The following PER2 variants were observed in gnomAD, a reference collection of about 807,000 sequenced individuals.
PER2 encodes period circadian regulator 2.
Under a neutral mutation model 121.0 loss-of-function variants are expected in PER2, and 66 were observed. The ratio of observed to expected loss-of-function variants is 0.55; its 90% confidence interval spans 0.45 to 0.67. The LOEUF is 0.67. Among genes scored for constraint, PER2 ranks in the 30% least tolerant of loss-of-function variants. PER2 has a pLI of 0.00. For missense variants in PER2, 1,521 were observed against 1,635.0 expected, an observed-to-expected ratio of 0.93 and a Z score of 1.20; for synonymous variants, 684 against 659.9, an observed-to-expected ratio of 1.04 and a Z score of -0.56.
Position 238,268,658 on chromosome 2 carries a change from C to T in PER2, c.824+265G>A, listed in dbSNP as rs1426485373. ...GACGCAGTGCTTTCAGAAACTCTGT[C>T]GACCCTGGGGTACAGGCCTTTGCAA... On this transcript the variant is annotated intron_variant, in intron 7 of 22. Transcript: ENST00000254657. The surrounding 1 kb of genome is among the most constrained non-coding windows in gnomAD (Gnocchi z 4.0). Among the ~76,000 whole-genome samples the T allele has an allele frequency of 6.6e-6, 1 of 152,212 alleles. No individual in the cohort carries two copies. Among genetic ancestry groups the T allele is most frequent in the Admixed American group, 6.5e-5 (1 of 15,280 alleles).
At chr2:238,259,693 C>A (rs1188669975) in intron 14 of PER2, among the ~76,000 whole-genome samples, 1 of 152,194 alleles carries the variant, frequency 6.6e-6, no homozygotes, top group Non-Finnish European at 1.5e-5. Flanking sequence ...GCACACTGGT[C>A]ACAGCTCCCC....
chr2:238,261,203 G>A (rs1054738136), intron 12 of PER2, among the ~76,000 whole-genome samples: 1 of 152,212 alleles, frequency 6.6e-6, no homozygotes, highest in Admixed American at 6.5e-5. Flanking sequence ...TGTCCAACCC[G>A]CTCATCAACG....
intron 16 of PER2, 85 bp from the exon 17 acceptor site, chr2:238,257,171 C>G: frequency 8.0e-7 from 1 of 1,243,514 alleles, no homozygotes. Context: ...AGTGCCCATA[C>G]AGCTTCCACA....
upstream of PER2, among the ~76,000 whole-genome samples, chr2:238,292,419 C>T (rs1309830932): frequency 6.6e-6 from 1 of 152,128 alleles, no homozygotes; most frequent in East Asian, 1.9e-4. Flanking sequence ...TGCTTGGAGC[C>T]TGGAATGTAA....
In PER2 at chr2:238,258,403, G is replaced by A; in HGVS notation, c.1776-3C>T. 1.2e-6 allele frequency: 2 copies of A among 1,614,194 alleles called. No individual in the cohort carries two copies. Among genetic ancestry groups the A allele is most frequent in the Non-Finnish European group, 8.5e-7 (1 of 1,180,034 alleles). On this transcript the variant is annotated splice_region_variant and splice_polypyrimidine_tract_variant and intron_variant, in intron 15 of 22. Transcript: ENST00000254657. Reference sequence around the variant, plus strand: ...CCTCATTGCAGCTCTCCAAGTACCTGTGTGAAAGGCATGAACCACTGGTGA... The same window carrying A: ...CCTCATTGCAGCTCTCCAAGTACCTATGTGAAAGGCATGAACCACTGGTGA...
In PER2 at chr2:238,244,540, A is replaced by C. The variant is rs1018575492; in HGVS notation, c.*1835T>G. Reference sequence around the variant, plus strand: ...ACCTATCCCTTCATGATCTGACTTTAGAGGCAAGGAGTTTGTAACATCTAA... The same window carrying C: ...ACCTATCCCTTCATGATCTGACTTTCGAGGCAAGGAGTTTGTAACATCTAA... On this transcript the variant is annotated 3_prime_UTR_variant, in exon 23 of 23. Coordinates refer to ENST00000254657, the MANE Select transcript of PER2 (RefSeq NM_022817.3). 1.3e-5 allele frequency: 2 copies of C among 152,258 alleles called. No homozygotes were observed. The highest frequency in any genetic ancestry group is 2.9e-5 in the Non-Finnish European group (2 of 68,052). 9.4% of individuals were successfully genotyped at this position (152,258 alleles called of 1,614,324 possible). A position where few individuals can be genotyped will look rare whatever the true frequency, so the allele number is the denominator to read the frequency against.
chr2:238,262,376 A>G, intron 10 of PER2, 32 bp from the exon 11 acceptor site: 1 of 1,611,168 alleles, frequency 6.2e-7, no homozygotes, highest in Non-Finnish European at 8.5e-7. Context: ...TTCAGGGGAA[A>G]AGGGGAGCAA....
chr2:238,291,555 G>A (rs550808963), upstream of PER2, among the ~76,000 whole-genome samples: 6 of 152,366 alleles, frequency 3.9e-5, 1 homozygote, highest in South Asian at 1.0e-3. Flanking sequence ...AATGGAGGAG[G>A]TGGTGGCCAG....
Position 238,246,371 on chromosome 2 carries a change from G to A in PER2, c.*4C>T. 6.3e-7 allele frequency: 1 copy of A among 1,597,132 alleles called. No homozygotes were observed. The highest frequency in any genetic ancestry group is 8.6e-7 in the Non-Finnish European group (1 of 1,169,162). On this transcript the variant is annotated 3_prime_UTR_variant, in exon 23 of 23. Coordinates refer to ENST00000254657, the MANE Select transcript of PER2 (RefSeq NM_022817.3). ...CTGGCTGCCGGGCTGAGGTGGGGCA[G>A]GGGTTACGTCTGCTCTTCGATCCTG...
chr2:238,265,681 C>A, intron 8 of PER2, 91 bp from the exon 9 acceptor site: 1 of 825,672 alleles, frequency 1.2e-6, no homozygotes, highest in East Asian at 2.5e-5. Context: ...CCTGTAGATT[C>A]AGAGTAATGA....
chr2:238,256,153 G>A (rs894335711), intron 17 of PER2, among the ~76,000 whole-genome samples: 19 of 152,230 alleles, frequency 1.2e-4, no homozygotes, highest in African/African-American at 3.1e-4. Flanking sequence ...CTGAACAAAC[G>A]GAAACGTGGG....
At chr2:238,265,650 A>G (rs978937882) in intron 8 of PER2, 60 bp from the exon 9 acceptor site, 7 of 1,052,708 alleles carry the variant, frequency 6.6e-6, no homozygotes, top group Non-Finnish European at 1.0e-5. Context: ...TTGATGTTAT[A>G]TTAAAACTAC....
upstream of PER2, among the ~76,000 whole-genome samples, chr2:238,292,650 C>T (rs987370530): frequency 1.3e-4 from 20 of 152,076 alleles, no homozygotes; most frequent in South Asian, 2.1e-4. Context: ...TATTCTAATT[C>T]GCTAAGATTT....
chr2:238,278,088 C>CTG, intron 1 of PER2, 133 bp from the exon 2 acceptor site: 1 of 698,790 alleles, frequency 1.4e-6, no homozygotes, highest in Non-Finnish European at 2.3e-6. Flanking sequence ...TTCTCTCTGT[C>CTG]TCTCTCTCTC....
rs370161055 is a variant in PER2, at chr2:238,246,482, T to C, written c.3661A>G (p.Ile1221Val). The change falls in exon 23 of 23, where the codon ATA (isoleucine) becomes GTA (valine). Residue 1221 changes from isoleucine to valine, a missense_variant. Physicochemically the swap from Ile to Val is conservative, Grantham distance 29 (BLOSUM62 3). Transcript: ENST00000254657. ...GAAGGAATATCTTCCTCATATGGTA[T>C]GCAAATATTACCTTTTTCCTTGTTT... is the stretch of plus-strand genomic sequence containing the variant. ...CENKEKGNIC[I>V]PYEEDIPSLG... The C allele has an allele frequency of 6.3e-6, 10 of 1,589,912 alleles. No individual in the cohort carries two copies. The highest frequency in any genetic ancestry group is 4.4e-5 in the South Asian group (4 of 90,554).
intron 13 of PER2, among the ~76,000 whole-genome samples, chr2:238,260,254 A>G (rs1695886793): frequency 2.0e-5 from 3 of 151,608 alleles, no homozygotes; most frequent in South Asian, 4.2e-4. Flanking sequence ...AAAACGGCAC[A>G]TTACATTTTT....
At chr2:238,259,728 C>T (rs922970751) in intron 14 of PER2, among the ~76,000 whole-genome samples, 2 of 152,218 alleles carry the variant, frequency 1.3e-5, no homozygotes, top group South Asian at 2.1e-4. Flanking sequence ...AGCCACACCC[C>T]GCCAGGCCTG....
In PER2 at chr2:238,268,840, GC is replaced by G. The variant is rs1696194600; in HGVS notation, c.824+82del. 9.0e-6 allele frequency: 9 copies of G among 999,816 alleles called. No individual in the cohort carries two copies. The highest frequency in any genetic ancestry group is 1.7e-5 in the Admixed American group (1 of 57,978). The allele number at this position is 999,816 out of a possible 1,614,324, so 61.9% of individuals were successfully genotyped here. Reference sequence around the variant, plus strand: ...CTGAGTCCCTGCAGGCAGGGATCACGCCCCCCAGCCTCAAGCGGAGCAGTGC... The same window carrying G: ...CTGAGTCCCTGCAGGCAGGGATCACGCCCCCAGCCTCAAGCGGAGCAGTGC... On this transcript the variant is annotated intron_variant, in intron 7 of 22. Transcript: ENST00000254657. This position sits in a 1 kb window ranked among gnomAD's most constrained non-coding sequence, Gnocchi z 4.0.
rs768573983 is a variant in PER2, at chr2:238,268,051, G to A, written c.967+5C>T. On this transcript the variant is annotated splice_donor_5th_base_variant and intron_variant, in intron 8 of 22. Transcript: ENST00000254657. This position sits in a 1 kb window ranked among gnomAD's most constrained non-coding sequence, Gnocchi z 4.0. ...ATCTGCCCTCGCCCTGGGCTTGGCT[G>A]TTACCTTCATAACCAGAGTGCACTC... The A allele has an allele frequency of 6.2e-7, 1 of 1,613,782 alleles. No individual in the cohort carries two copies. The highest frequency in any genetic ancestry group is 1.7e-5 in the Admixed American group (1 of 60,022).
Sources: allele counts gnomAD v4.1 joint callset (sites outside exome capture counted in the v4.1 genomes callset), GRCh38; gene constraint gnomAD v4.1.1; non-coding constraint Gnocchi (gnomAD v3.1); transcripts MANE v1.5; gene names NCBI Gene and HGNC (gene_info 2026-07-23, HGNC 2026-07-21).